The following AKT3 variants were observed in gnomAD, a reference collection of about 807,000 sequenced individuals.
AKT3 encodes AKT serine/threonine kinase 3, also known as RAC-gamma serine/threonine-protein kinase.
In AKT3, 15 loss-of-function variants were observed where a neutral mutation model predicts 65.3. The observed-to-expected ratio is 0.23, with a 90% CI of 0.15 to 0.35. The LOEUF (loss-of-function observed/expected upper bound fraction) is 0.35, where lower values mean the gene tolerates loss of function less well. AKT3 is among the 10% of genes least tolerant of loss of function. The pLI, the probability that AKT3 is intolerant of heterozygous loss-of-function variation, is 1.00. For missense variants in AKT3, 243 were observed against 576.5 expected, an observed-to-expected ratio of 0.42 and a Z score of 5.92; for synonymous variants, 206 against 183.8, an observed-to-expected ratio of 1.12 and a Z score of -0.98.
intron 8 of AKT3, among the ~76,000 whole-genome samples, chr1:243,598,970 G>T (rs1676822275): frequency 6.6e-6 from 1 of 152,252 alleles, no homozygotes; most frequent in South Asian, 2.1e-4. Flanking sequence ...TAGTTCAAAT[G>T]CACCTTTCCT....
downstream of AKT3, among the ~76,000 whole-genome samples, chr1:243,497,301 C>T (rs867920591): frequency 7.6e-4 from 103 of 135,838 alleles, no homozygotes; most frequent in African/African-American, 2.6e-3. Flanking sequence ...GCTGACTGAA[C>T]GCTCACCATG....
intron 2 of AKT3, among the ~76,000 whole-genome samples, chr1:243,806,214 C>G (rs1040273706): frequency 8.5e-5 from 13 of 152,194 alleles, no homozygotes; most frequent in African/African-American, 2.9e-4. Context: ...GATACCTTTA[C>G]TATAGCACTT....
Position 243,773,697 on chromosome 1 carries a change from T to C in AKT3, c.46+69428A>G, listed in dbSNP as rs114075095. Reference sequence around the variant, plus strand: ...CACAAGCTCATTGTGAGAATCAAATTATACTGTGTATGACCTAGCACAGAC... The same window carrying C: ...CACAAGCTCATTGTGAGAATCAAATCATACTGTGTATGACCTAGCACAGAC... On this transcript the variant is annotated intron_variant, in intron 2 of 13. Transcript: ENST00000673466. Among the ~76,000 whole-genome samples, 555 of 152,316 alleles carry C rather than the reference T, an allele frequency of 3.6e-3. 3 individuals are homozygous for C. Among genetic ancestry groups the C allele is most frequent in the Admixed American group, 5.9e-3 (91 of 15,302 alleles).
intron 2 of AKT3, among the ~76,000 whole-genome samples, chr1:243,810,691 C>A (rs1693078179): frequency 6.6e-6 from 1 of 152,180 alleles, no homozygotes; most frequent in South Asian, 2.1e-4. Context: ...CCAGCATCAT[C>A]CTGATACCAA....
intron 2 of AKT3, among the ~76,000 whole-genome samples, chr1:243,827,710 A>T (rs1694255778): frequency 6.6e-6 from 1 of 152,190 alleles, no homozygotes; most frequent in African/African-American, 2.4e-5. Context: ...TCGCTTTAGT[A>T]CTATTTCATT....
intron 6 of AKT3, among the ~76,000 whole-genome samples, chr1:243,618,656 A>T (rs2148615698): frequency 6.6e-6 from 1 of 152,266 alleles, no homozygotes. Context: ...TAAAATAGTA[A>T]ATAATGAACT....
At chr1:243,495,646 T>C (rs1385686350), downstream of AKT3, among the ~76,000 whole-genome samples, 1 of 152,214 alleles carries the variant, frequency 6.6e-6, no homozygotes, top group Non-Finnish European at 1.5e-5. Flanking sequence ...CGCAGGGGCC[T>C]GAGGGTGGCT....
At chr1:243,773,202 T>TAA (rs918165611) in intron 2 of AKT3, among the ~76,000 whole-genome samples, 75 of 144,442 alleles carry the variant, frequency 5.2e-4, no homozygotes, top group South Asian at 1.5e-3. Context: ...CATATATATA[T>TAA]AAAAAATATA....
At chr1:243,731,155 C>T (rs554414767) in intron 2 of AKT3, among the ~76,000 whole-genome samples, 2 of 152,326 alleles carry the variant, frequency 1.3e-5, no homozygotes, top group South Asian at 2.1e-4. Flanking sequence ...TATTTCTGCT[C>T]ATAGCATAAA....
chr1:243,569,449 T>G (rs1431483684), intron 9 of AKT3, among the ~76,000 whole-genome samples: 2 of 152,168 alleles, frequency 1.3e-5, no homozygotes, highest in African/African-American at 4.8e-5. Context: ...TAGTTAGAAG[T>G]GGGAGCTGGG....
rs544884377 is a variant in AKT3, at chr1:243,810,501, C to G, written c.46+32624G>C. On this transcript the variant is annotated intron_variant, in intron 2 of 13. Coordinates refer to ENST00000673466, the MANE Select transcript of AKT3 (RefSeq NM_005465.7). ...GAAGAAGTTGAATCTCTGAAAGGAC[C>G]AATAACAGGCTCTGAAATTGAGGCA... 5.3e-5 allele frequency among the ~76,000 whole-genome samples: 8 copies of G among 152,254 alleles called. No homozygotes were observed. In the South Asian group the frequency reaches 1.7e-3, roughly 32 times the overall value.
intron 12 of AKT3, among the ~76,000 whole-genome samples, chr1:243,541,478 C>T (rs980613216): frequency 1.3e-5 from 2 of 151,956 alleles, no homozygotes; most frequent in African/African-American, 2.4e-5. Context: ...AAATTCTCCA[C>T]GCTCATCTTT....
intron 2 of AKT3, chr1:243,794,379 C>A (rs1490939760): frequency 6.6e-6 from 1 of 152,166 alleles, no homozygotes; most frequent in East Asian, 1.9e-4. Context: ...GATTAGGTTT[C>A]CCTGGGAACT....
intron 5 of AKT3, 34 bp from the exon 6 acceptor site, chr1:243,637,776 G>C: frequency 1.4e-6 from 2 of 1,404,236 alleles, no homozygotes; most frequent in Non-Finnish European, 9.8e-7. Context: ...ATAATATGAA[G>C]TATTTGATGC....
At chr1:243,751,362 C>T (rs892421128) in intron 2 of AKT3, among the ~76,000 whole-genome samples, 7 of 152,192 alleles carry the variant, frequency 4.6e-5, no homozygotes, top group Non-Finnish European at 8.8e-5. Flanking sequence ...TCATGCCAAA[C>T]GCTTGGATTT....
At chr1:243,642,942 C>T (rs1415745307) in intron 5 of AKT3, among the ~76,000 whole-genome samples, 6 of 152,144 alleles carry the variant, frequency 3.9e-5, no homozygotes, top group Admixed American at 3.9e-4. Flanking sequence ...ATTCCAGATA[C>T]ATTTACAATG....
intron 2 of AKT3, among the ~76,000 whole-genome samples, chr1:243,745,049 G>C (rs1181105359): frequency 6.6e-6 from 1 of 152,236 alleles, no homozygotes; most frequent in Admixed American, 6.5e-5. Context: ...AAAGTAGGCT[G>C]GGGGCAGTGG....
Position 243,490,877 on chromosome 1 carries a change from A to G in AKT3, c.*7-2427T>C, listed in dbSNP as rs144140852. Reference sequence around the variant, plus strand: ...AACCCAGCCCTGTGGGCAGGTCCCCAGGGAGGGCCCCAGCAGCACCTGCTT... The same window carrying G: ...AACCCAGCCCTGTGGGCAGGTCCCCGGGGAGGGCCCCAGCAGCACCTGCTT... On this transcript the variant is annotated intron_variant, in intron 13 of 13. Coordinates refer to the AKT3 transcript ENST00000336199. 9.2e-5 allele frequency among the ~76,000 whole-genome samples: 14 copies of G among 152,324 alleles called. No individual in the cohort carries two copies. The East Asian group carries it at 2.5e-3, about 27-fold the overall frequency.
At chr1:243,766,232 A>G (rs1421918289) in intron 2 of AKT3, among the ~76,000 whole-genome samples, 1 of 152,186 alleles carries the variant, frequency 6.6e-6, no homozygotes, top group Non-Finnish European at 1.5e-5. Flanking sequence ...ACTGCTCTCA[A>G]CTGGTGAGGA....
Sources: gnomAD v4.1 joint callset for allele counts (sites outside exome capture counted in the v4.1 genomes callset) on GRCh38, gnomAD v4.1.1 for gene constraint, MANE v1.5 for transcripts, NCBI Gene and HGNC (gene_info 2026-07-23, HGNC 2026-07-21) for gene names.